The following THBS2 variants were observed in gnomAD, a reference collection of about 807,000 sequenced individuals.
THBS2 encodes the protein thrombospondin 2.
In THBS2, 47 loss-of-function variants were observed where a neutral mutation model predicts 135.2. The observed-to-expected ratio is 0.35, with a 90% CI of 0.28 to 0.44. The LOEUF (loss-of-function observed/expected upper bound fraction) is 0.44. Among genes scored for constraint, THBS2 ranks in the 20% least tolerant of loss-of-function variants. The probability of loss-of-function intolerance (pLI) is 1.00; values close to 1 mark genes in which losing one functional copy is unlikely to be tolerated. For synonymous variants in THBS2, 639 were observed against 633.8 expected (o/e 1.01, Z -0.12); for missense variants, 1,288 against 1,603.1 (o/e 0.80, Z 3.36).
chr6:169,221,647 G>A, intron 19 of THBS2, 120 bp from the exon 20 acceptor site: 1 of 784,234 alleles, frequency 1.3e-6, no homozygotes, highest in Non-Finnish European at 2.2e-6. Context: ...GGCTCATGGT[G>A]CTCCATATCT....
chr6:169,229,494 G>A (rs2114989960), intron 14 of THBS2, 78 bp downstream of exon 14: 7 of 1,120,582 alleles, frequency 6.2e-6, no homozygotes, highest in East Asian at 4.7e-5. Flanking sequence ...GACAAGGGCT[G>A]TTTGGTATAA....
At chr6:169,251,858 C>A (rs1450590993) in intron 1 of THBS2, 1 of 146,768 alleles carries the variant, frequency 6.8e-6, no homozygotes, top group Non-Finnish European at 1.5e-5. Context: ...CTGCTCCCCC[C>A]AGTGCCGCCC....
At chr6:169,248,051 GT>G in intron 3 of THBS2, among the ~76,000 whole-genome samples, 1 of 56,566 alleles carries the variant, frequency 1.8e-5, no homozygotes. Flanking sequence ...GTGCGTGTCT[GT>G]GTGTGTGTGT....
chr6:169,227,005 G>A lies in THBS2; in HGVS notation c.2420-707C>T, dbSNP rs550254644. ...GATCTGCATCCAGCACATCACAGAC[G>A]CCATCCTGGATGGGGAGCCGAGGAG... is the stretch of plus-strand genomic sequence containing the variant. On this transcript the variant is annotated intron_variant, in intron 15 of 21. Coordinates refer to ENST00000617924, the MANE Select transcript of THBS2 (RefSeq NM_003247.5). Among the ~76,000 whole-genome samples the A allele has an allele frequency of 2.4e-4, 36 of 152,238 alleles. 1 individual carries two copies. The highest frequency in any genetic ancestry group is 2.3e-3 in the South Asian group (11 of 4,816).
Position 169,252,713 on chromosome 6 carries a change from C to A in THBS2, c.-23+1011G>T, listed in dbSNP as rs956806695. ...GGACACCGGGCATGCATGGATGGAGCCACGGATGAGCCAGTGCCGCTCACC... is the reference window on the plus strand; with the variant it reads ...GGACACCGGGCATGCATGGATGGAGACACGGATGAGCCAGTGCCGCTCACC... On this transcript the variant is annotated intron_variant, in intron 1 of 21. Transcript: ENST00000617924. This position sits in a 1 kb window ranked among gnomAD's most constrained non-coding sequence, Gnocchi z 4.3. Among the ~76,000 whole-genome samples, 5 of 152,160 alleles carry A rather than the reference C, an allele frequency of 3.3e-5. No individual in the cohort carries two copies. Among genetic ancestry groups the A allele is most frequent in the African/African-American group, 7.2e-5 (3 of 41,434 alleles).
At chr6:169,230,332 CGTTTCA>C (rs1366419862) in intron 13 of THBS2, among the ~76,000 whole-genome samples, 1 of 152,160 alleles carries the variant, frequency 6.6e-6, no homozygotes, top group Non-Finnish European at 1.5e-5. Context: ...GTAGCGTGTC[CGTTTCA>C]GTTTCAGTAC....
At chr6:169,250,537 C>T (rs142545206) in intron 2 of THBS2, among the ~76,000 whole-genome samples, 196 bp downstream of exon 2, 41 of 152,342 alleles carry the variant, frequency 2.7e-4, no homozygotes, top group Middle Eastern at 3.4e-3. Context: ...TTTTCTCTAA[C>T]ACCTGAATTT....
intron 21 of THBS2, chr6:169,219,838 T>TTTCTTTCC: frequency 1.9e-6 from 1 of 536,174 alleles, no homozygotes; most frequent in Non-Finnish European, 3.7e-6. Context: ...TCCTTCCTTC[T>TTTCTTTCC]TTCCTTCCTG....
chr6:169,228,380 C>G, intron 14 of THBS2, 99 bp from the exon 15 acceptor site: 2 of 1,422,116 alleles, frequency 1.4e-6, no homozygotes. Context: ...TGATGAAAAT[C>G]AATATAGAAA....
At chr6:169,245,741 C>G (rs569175106) in intron 4 of THBS2, among the ~76,000 whole-genome samples, 11 of 146,660 alleles carry the variant, frequency 7.5e-5, no homozygotes, top group East Asian at 2.0e-4. Flanking sequence ...GCAGTGAGCC[C>G]AGATCGCACC....
Position 169,229,618 on chromosome 6 carries a change from T to C in THBS2, c.2213A>G (p.Asp738Gly). Reference protein sequence around the residue: ...QEDFDKDGIGDACDDDDDNDG... With the variant: ...QEDFDKDGIGGACDDDDDNDG... ...ATTGTCATCGTCATCATCACAGGCA[T>C]CGCCAATCCCGTCCTTGTCAAAGTC... Residue 738 changes from aspartate to glycine, a missense_variant, in exon 14 of 22, where the codon GAT (aspartate) becomes GGT (glycine). This residue lies in a region of THBS2 where 874 missense variants were observed against 1,156.1 expected (regional missense o/e 0.76). Coordinates refer to ENST00000617924, the MANE Select transcript of THBS2 (RefSeq NM_003247.5). The C allele has an allele frequency of 6.2e-7, 1 of 1,614,164 alleles. No homozygotes were observed. The highest frequency in any genetic ancestry group is 1.7e-4 in the Middle Eastern group (1 of 6,060).
Position 169,223,392 on chromosome 6 carries a change from C to T in THBS2, c.2857G>A (p.Ala953Thr). The change falls in exon 18 of 22, where the codon GCC becomes ACC. Residue 953 changes from alanine to threonine, a missense_variant. Ala to Thr is a moderately conservative substitution (Grantham distance 58, BLOSUM62 0). This residue lies in a region of THBS2 where 874 missense variants were observed against 1,156.1 expected (regional missense o/e 0.76). Coordinates refer to ENST00000617924, the MANE Select transcript of THBS2 (RefSeq NM_003247.5). ...TTCCTGAAGTCTGTCTCACTGATGG[C>T]ATTGTTTTCAGGACACACATCATCA... ...DIDDVCPENN[A>T]ISETDFRNFQ... The T allele has an allele frequency of 6.2e-7, 1 of 1,614,194 alleles. No homozygotes were observed.
At chr6:169,226,809 A>G (rs543508251) in intron 15 of THBS2, among the ~76,000 whole-genome samples, 3 of 152,364 alleles carry the variant, frequency 2.0e-5, no homozygotes, top group African/African-American at 7.2e-5. Flanking sequence ...GAACTAAACA[A>G]TACCATCAGT....
In THBS2 at chr6:169,236,597, C is replaced by G. The variant is rs377293550; in HGVS notation, c.1477+573G>C. The stretch of plus-strand genomic sequence containing the variant: ...CATCCACACTCACTCCCCATCCACA[C>G]TCATTCCCATCCACACTCGCCATCC... On this transcript the variant is annotated intron_variant, in intron 9 of 21. Coordinates refer to ENST00000617924, the MANE Select transcript of THBS2 (RefSeq NM_003247.5). Among the ~76,000 whole-genome samples the G allele has an allele frequency of 3.0e-3, 409 of 134,930 alleles. 3 individuals carry two copies. The highest frequency in any genetic ancestry group is 0.01 in the African/African-American group (394 of 37,872). The allele number at this position is 134,930 out of a possible 152,430, so 88.5% of individuals were successfully genotyped here.
rs963060308 is a variant in THBS2, at chr6:169,229,766, GC to G, written c.2152-88del. On this transcript the variant is annotated intron_variant, in intron 13 of 21. Coordinates refer to ENST00000617924, the MANE Select transcript of THBS2 (RefSeq NM_003247.5). ...GCAGGTGAAATGAAACCAGCATGGC[GC>G]CGAGGAAGGAAGCGTGCCCCATCAG... 6.4e-6 allele frequency: 7 copies of G among 1,085,634 alleles called. No homozygotes were observed. The African/African-American group carries it at 1.1e-4, about 17-fold the overall frequency. 67.3% of individuals were successfully genotyped at this position (1,085,634 alleles called of 1,614,324 possible). A position where few individuals can be genotyped will look rare whatever the true frequency, so the allele number is the denominator to read the frequency against.
At chr6:169,229,808 G>A (rs1051199175) in intron 13 of THBS2, 129 bp from the exon 14 acceptor site, 12 of 682,322 alleles carry the variant, frequency 1.8e-5, no homozygotes, top group Admixed American at 1.1e-4. Context: ...GATCTCAAGC[G>A]GGAGCTGAGA....
Position 169,248,882 on chromosome 6 carries a change from G to T in THBS2, c.144C>A (p.Pro48=). Residue 48 remains proline, a synonymous_variant, in exon 3 of 22, where the codon CCC becomes CCA. Transcript: ENST00000617924. ...KTIGAKQFRG[P]DPGVPAYRFV... ...AGCGGTAAGCCGGCACGCCGGGGTCGGGCCCGCGGAACTGCTTGGCGCCAA... is the reference window on the plus strand; with the variant it reads ...AGCGGTAAGCCGGCACGCCGGGGTCTGGCCCGCGGAACTGCTTGGCGCCAA... 1.2e-6 allele frequency: 2 copies of T among 1,612,944 alleles called. No homozygotes were observed.
chr6:169,229,519 G>T, intron 14 of THBS2, 53 bp downstream of exon 14: 1 of 1,489,952 alleles, frequency 6.7e-7, no homozygotes, highest in Non-Finnish European at 9.4e-7. Context: ...GCCTCCTGTG[G>T]ACCTCGCTGC....
chr6:169,244,273 C>G (rs1363490255), intron 4 of THBS2, among the ~76,000 whole-genome samples: 1 of 147,424 alleles, frequency 6.8e-6, no homozygotes, highest in East Asian at 2.0e-4. Flanking sequence ...CTAGGAAATA[C>G]CTGCTGAAGG....
Sources: allele counts gnomAD v4.1 joint callset (sites outside exome capture counted in the v4.1 genomes callset), GRCh38; gene constraint gnomAD v4.1.1; regional missense constraint gnomAD v4.1.1; non-coding constraint Gnocchi (gnomAD v3.1); transcripts MANE v1.5; gene names NCBI Gene and HGNC (gene_info 2026-07-23, HGNC 2026-07-21).